MINK1: variants seen among roughly 807,000 people sequenced by gnomAD.
MINK1 encodes misshapen like kinase 1.
A neutral mutation model predicts 178.4 loss-of-function variants in MINK1; 46 were observed. The ratio of observed to expected loss-of-function variants is 0.26; its 90% CI spans 0.20 to 0.33. The LOEUF (loss-of-function observed/expected upper bound fraction) is 0.33, where lower values mean the gene tolerates loss of function less well. MINK1 is among the 10% of genes least tolerant of loss of function. The pLI, the probability that MINK1 is intolerant of heterozygous loss-of-function variation, is 1.00. For synonymous variants in MINK1, 797 were observed against 709.7 expected, an observed-to-expected ratio of 1.12 and a Z score of -1.96; for missense variants, 1,366 against 1,814.9, an observed-to-expected ratio of 0.75 and a Z score of 4.49.
intron 2 of MINK1, among the ~76,000 whole-genome samples, chr17:4,879,254 G>C (rs991284373): frequency 6.6e-6 from 1 of 151,874 alleles, no homozygotes; most frequent in Non-Finnish European, 1.5e-5. Flanking sequence ...ACACTTGGAT[G>C]GGGGGAGCTG....
At chr17:4,882,205 C>G (rs1005337011) in intron 4 of MINK1, among the ~76,000 whole-genome samples, 1 of 152,270 alleles carries the variant, frequency 6.6e-6, no homozygotes, top group South Asian at 2.1e-4. Flanking sequence ...TCCTCCCCTC[C>G]TCTCACTGTG....
At chr17:4,888,264 C>T (rs115636239) in intron 12 of MINK1, among the ~76,000 whole-genome samples, 3 of 152,108 alleles carry the variant, frequency 2.0e-5, no homozygotes, top group African/African-American at 7.2e-5. Flanking sequence ...CCACCTGCTA[C>T]CTCCAAAGTA....
At chr17:4,890,798 C>A in intron 14 of MINK1, 63 bp downstream of exon 14, 3 of 1,524,310 alleles carry the variant, frequency 2.0e-6, no homozygotes, top group Middle Eastern at 2.1e-4. Flanking sequence ...TGGAGAGCCA[C>A]AAGAAGTAGT....
chr17:4,890,485 G>C, intron 13 of MINK1, 32 bp from the exon 14 acceptor site: 1 of 1,560,222 alleles, frequency 6.4e-7, no homozygotes, highest in Non-Finnish European at 8.7e-7. Context: ...GCCACACCCT[G>C]CTGAGCCCTC....
chr17:4,892,070 C>G, intron 16 of MINK1, 79 bp from the exon 17 acceptor site: 1 of 1,214,600 alleles, frequency 8.2e-7, no homozygotes, highest in East Asian at 2.5e-5. Flanking sequence ...GGGGAGCTCA[C>G]CTCTCAGAGG....
intron 1 of MINK1, chr17:4,861,688 A>G: frequency 3.3e-6 from 1 of 303,698 alleles, no homozygotes; most frequent in Non-Finnish European, 6.8e-6. Flanking sequence ...TTTAGTAGAG[A>G]CAGAGTTTCA....
Position 4,886,490 on chromosome 17 carries a change from C to A in MINK1, c.813C>A (p.Ile271=). ...TTGACTTCATTGACACATGTCTCAT[C>A]AAGACTTACCTGAGCCGCCCACCCA... ...KFIDFIDTCL[I]KTYLSRPPTE... is the part of the protein sequence containing the mutation. The change falls in exon 10 of 32, where the codon ATC becomes ATA. Residue 271 remains isoleucine (I), a synonymous_variant. Coordinates refer to ENST00000355280, the MANE Select transcript of MINK1 (RefSeq NM_153827.5). The surrounding 1 kb of genome is among the most constrained non-coding windows in gnomAD (Gnocchi z 6.1). 6.2e-7 allele frequency: 1 copy of A among 1,612,566 alleles called. No individual in the cohort carries two copies. The highest frequency in any genetic ancestry group is 8.5e-7 in the Non-Finnish European group (1 of 1,179,232).
chr17:4,895,354 C>G lies in MINK1; in HGVS notation c.3090C>G (p.Val1030=), dbSNP rs1275172306. 6.2e-7 allele frequency: 1 copy of G among 1,604,138 alleles called. No individual in the cohort carries two copies. The highest frequency in any genetic ancestry group is 1.1e-5 in the South Asian group (1 of 89,618). ...SEILCAALWG[V]NLLVGTENGL... ...GCCCAAGGGCTCCTGTTGCAGGGGT[C>G]AACCTGCTGGTGGGCACGGAGAACG... is the stretch of plus-strand genomic sequence containing the variant. The change falls in exon 26 of 32, where the codon GTC becomes GTG. Residue 1030 remains valine, a synonymous_variant. Coordinates refer to ENST00000355280, the MANE Select transcript of MINK1 (RefSeq NM_153827.5). This position sits in a 1 kb window ranked among gnomAD's most constrained non-coding sequence, Gnocchi z 4.3.
chr17:4,894,606 G>T lies in MINK1; in HGVS notation c.2890G>T (p.Gly964Cys). The T allele has an allele frequency of 1.9e-6, 3 of 1,607,606 alleles. No individual in the cohort carries two copies. The highest frequency in any genetic ancestry group is 3.3e-4 in the Middle Eastern group (2 of 6,054). The change falls in exon 24 of 32, where the codon GGC becomes TGC. Residue 964 changes from glycine (G) to cysteine (C), a missense_variant. This residue lies in a region of MINK1 where 709 missense variants were observed against 692.3 expected (regional missense o/e 1.02). Transcript: ENST00000355280. This position sits in a 1 kb window ranked among gnomAD's most constrained non-coding sequence, Gnocchi z 4.1. Reference protein sequence around the residue: ...FVDLGIYQPGGSGDSIPITAL... With the variant: ...FVDLGIYQPGCSGDSIPITAL... The stretch of plus-strand genomic sequence containing the variant: ...GGATCTAGGGATCTACCAGCCTGGA[G>T]GCAGTGGGGACAGCATCCCCATCAC...
rs1229475961 is a variant in MINK1, at chr17:4,875,461, C to T, written c.58-2856C>T. The T allele has an allele frequency of 1.5e-5, 7 of 453,566 alleles. No individual in the cohort carries two copies. In the East Asian group the frequency reaches 2.1e-4, roughly 14 times the overall value. 28.1% of individuals were successfully genotyped at this position (453,566 alleles called of 1,614,324 possible). Reference sequence around the variant, plus strand: ...CCGCACTCCCACCTGGGCAACAGAGCGAGATCTGACTCTAAAAAAACAAAA... The same window carrying T: ...CCGCACTCCCACCTGGGCAACAGAGTGAGATCTGACTCTAAAAAAACAAAA... On this transcript the variant is annotated intron_variant, in intron 1 of 31. Transcript: ENST00000355280.
At chr17:4,847,698 T>C (rs1911252239) in intron 1 of MINK1, among the ~76,000 whole-genome samples, 1 of 152,138 alleles carries the variant, frequency 6.6e-6, no homozygotes, top group Non-Finnish European at 1.5e-5. Flanking sequence ...AGGTGGTGAC[T>C]GTGTGTTAAG....
intron 14 of MINK1, 77 bp from the exon 15 acceptor site, chr17:4,890,874 G>T: frequency 6.5e-7 from 1 of 1,540,754 alleles, no homozygotes; most frequent in Middle Eastern, 1.7e-4. Flanking sequence ...GGCGGGAGTA[G>T]TTAGGGCAGG....
At position 4,891,185 on chromosome 17, in the gene MINK1, TACACACACACGCGCGCAC is replaced by T. The variant is rs1968755573; in HGVS notation, c.1740+72_1740+89del. 4 of 1,208,192 alleles carry T rather than the reference TACACACACACGCGCGCAC, an allele frequency of 3.3e-6. No individual in the cohort carries two copies. In the South Asian group the frequency reaches 5.1e-5, roughly 15 times the overall value. 74.8% of individuals were successfully genotyped at this position (1,208,192 alleles called of 1,614,324 possible). A position where few individuals can be genotyped will look rare whatever the true frequency, so the allele number is the denominator to read the frequency against. On this transcript the variant is annotated intron_variant, in intron 15 of 31. Transcript: ENST00000355280. The stretch of plus-strand genomic sequence containing the variant: ...CAGGGAGCTTTGTTCAGAGCACAGG[TACACACACACGCGCGCAC>T]ACACACACACACACACACACACCTG...
At chr17:4,841,496 C>A (rs1910209714) in intron 1 of MINK1, among the ~76,000 whole-genome samples, 1 of 152,066 alleles carries the variant, frequency 6.6e-6, no homozygotes, top group African/African-American at 2.4e-5. Context: ...AGAGCCACCT[C>A]AACTTATGTT....
intron 13 of MINK1, chr17:4,890,255 C>T: frequency 7.5e-7 from 1 of 1,335,284 alleles, no homozygotes; most frequent in Non-Finnish European, 9.6e-7. Flanking sequence ...GGAGGAGCAG[C>T]GACAGCTCGA....
chr17:4,861,237 C>T (rs1914121471), intron 1 of MINK1, among the ~76,000 whole-genome samples: 3 of 152,220 alleles, frequency 2.0e-5, no homozygotes, highest in Admixed American at 6.5e-5. Context: ...CCTGGTGTGG[C>T]CAGTGCCTTG....
At position 4,892,390 on chromosome 17, in the gene MINK1, C is replaced by T; in HGVS notation, c.2088-12C>T. ...CCGCCGCCCCCTCGGCACCCCTGTGCTCCCTTCACAGACCTCGCAGCAACT... is the reference window on the plus strand; with the variant it reads ...CCGCCGCCCCCTCGGCACCCCTGTGTTCCCTTCACAGACCTCGCAGCAACT... On this transcript the variant is annotated splice_polypyrimidine_tract_variant and intron_variant, in intron 17 of 31. Coordinates refer to ENST00000355280, the MANE Select transcript of MINK1 (RefSeq NM_153827.5). 1.3e-6 allele frequency: 2 copies of T among 1,495,866 alleles called. No homozygotes were observed. Among genetic ancestry groups the T allele is most frequent in the South Asian group, 1.2e-5 (1 of 83,160 alleles). 92.7% of individuals were successfully genotyped at this position (1,495,866 alleles called of 1,614,324 possible). A position where few individuals can be genotyped will look rare whatever the true frequency, so the allele number is the denominator to read the frequency against.
intron 1 of MINK1, among the ~76,000 whole-genome samples, chr17:4,839,939 ATGTGTG>A (rs34473686): frequency 0.047 from 6,697 of 141,878 alleles, 277 homozygotes; most frequent in African/African-American, 0.11. Flanking sequence ...TTATTTATTA[ATGTGTG>A]TGTGTGTGTG....
At chr17:4,837,045 G>C (rs1909414799) in intron 1 of MINK1, among the ~76,000 whole-genome samples, 1 of 152,114 alleles carries the variant, frequency 6.6e-6, no homozygotes, top group Non-Finnish European at 1.5e-5. Context: ...AAATTAGCCA[G>C]GCATGGTGGC....
Sources: gnomAD v4.1 joint callset for allele counts (sites outside exome capture counted in the v4.1 genomes callset) on GRCh38, gnomAD v4.1.1 for gene constraint, gnomAD v4.1.1 regional missense constraint, Gnocchi (gnomAD v3.1) non-coding constraint, MANE v1.5 for transcripts, NCBI Gene and HGNC (gene_info 2026-07-23, HGNC 2026-07-21) for gene names.